KIAA1549: variants seen among roughly 807,000 people sequenced by gnomAD.
KIAA1549 encodes UPF0606 protein KIAA1549.
Under a neutral mutation model 156.4 loss-of-function variants are expected in KIAA1549, and 70 were observed. The observed-to-expected ratio is 0.45, with a 90% confidence interval of 0.37 to 0.55. The LOEUF (loss-of-function observed/expected upper bound fraction) is 0.55, where lower values mean the gene tolerates loss of function less well. Among genes scored for constraint, KIAA1549 ranks in the 20% least tolerant of loss-of-function variants. KIAA1549 has a pLI of 0.00. For synonymous variants in KIAA1549, 1,103 were observed against 1,066.4 expected (o/e 1.03, Z -0.67); for missense variants, 2,428 against 2,540.9 (o/e 0.96, Z 0.96).
intron 1 of KIAA1549, among the ~76,000 whole-genome samples, chr7:138,969,669 T>C (rs1458556020): frequency 3.3e-5 from 5 of 152,200 alleles, no homozygotes; most frequent in African/African-American, 1.2e-4. Context: ...CTCAGCTTAC[T>C]GCAACCTCTG....
At chr7:138,971,090 C>T (rs933999274) in intron 1 of KIAA1549, among the ~76,000 whole-genome samples, 9 of 152,180 alleles carry the variant, frequency 5.9e-5, no homozygotes, top group African/African-American at 1.7e-4. Flanking sequence ...GCCTATCTTC[C>T]GCCAAGGCTC....
chr7:138,922,725 G>A (rs1258229686), intron 1 of KIAA1549, among the ~76,000 whole-genome samples: 1 of 151,712 alleles, frequency 6.6e-6, no homozygotes, highest in Non-Finnish European at 1.5e-5. Context: ...AAATTACTCA[G>A]AAAAGGGAAC....
In KIAA1549 at chr7:138,934,519, T is replaced by C. The variant is rs146577725; in HGVS notation, c.188-15081A>G. On this transcript the variant is annotated intron_variant, in intron 1 of 19. Coordinates refer to ENST00000422774, the MANE Select transcript of KIAA1549 (RefSeq NM_001164665.2). ...AATTCGTGATGTTTGAATTGCCATA[T>C]GTCACATCTTTGATTCCTGACTCAA... is the stretch of plus-strand genomic sequence containing the variant. Among the ~76,000 whole-genome samples the C allele has an allele frequency of 5.0e-3, 754 of 152,028 alleles. 2 individuals carry two copies. Among genetic ancestry groups the C allele is most frequent in the Middle Eastern group, 0.01 (3 of 290 alleles).
chr7:138,871,513 A>G (rs567099890), intron 12 of KIAA1549, among the ~76,000 whole-genome samples, 151 bp from the exon 13 acceptor site: 2 of 152,258 alleles, frequency 1.3e-5, no homozygotes, highest in East Asian at 3.9e-4. Flanking sequence ...TTACAATTTC[A>G]CTCTCTGAGC....
At chr7:138,966,465 C>T (rs1194650392) in intron 1 of KIAA1549, among the ~76,000 whole-genome samples, 1 of 152,034 alleles carries the variant, frequency 6.6e-6, no homozygotes, top group Non-Finnish European at 1.5e-5. Flanking sequence ...CCACAACAAG[C>T]CAACTACAAG....
chr7:138,844,101 A>G (rs2130333248), intron 18 of KIAA1549, among the ~76,000 whole-genome samples: 1 of 152,276 alleles, frequency 6.6e-6, no homozygotes, highest in Admixed American at 6.5e-5. Flanking sequence ...TGAATTTCAC[A>G]TGAAGGGCCT....
chr7:138,977,789 T>C (rs1814424534), intron 1 of KIAA1549, among the ~76,000 whole-genome samples: 1 of 152,052 alleles, frequency 6.6e-6, no homozygotes, highest in African/African-American at 2.4e-5. Flanking sequence ...AACCTCTGCC[T>C]CCCTGGTTCG....
chr7:138,958,612 G>A lies in KIAA1549; in HGVS notation c.187+22471C>T, dbSNP rs116109870. Among the ~76,000 whole-genome samples, 1,421 of 152,212 alleles carry A rather than the reference G, an allele frequency of 9.3e-3. 23 individuals carry two copies. The highest frequency in any genetic ancestry group is 0.031 in the African/African-American group (1,305 of 41,524). On this transcript the variant is annotated intron_variant, in intron 1 of 19. Coordinates refer to ENST00000422774, the MANE Select transcript of KIAA1549 (RefSeq NM_001164665.2). ...ATCCCATGATGACAGCCTTGCCTGG[G>A]ACTGTCATTTAAATCTCTTTCTCTC... is the stretch of plus-strand genomic sequence containing the variant.
chr7:138,971,997 G>A (rs918620113), intron 1 of KIAA1549, among the ~76,000 whole-genome samples: 1 of 152,170 alleles, frequency 6.6e-6, no homozygotes, highest in Non-Finnish European at 1.5e-5. Context: ...ATGAACTGGA[G>A]GAAGTGAGAG....
At chr7:138,880,978 G>A (rs1188352941) in intron 11 of KIAA1549, among the ~76,000 whole-genome samples, 1 of 152,182 alleles carries the variant, frequency 6.6e-6, no homozygotes, top group Non-Finnish European at 1.5e-5. Context: ...GGCATCCCAG[G>A]CATGGACACA....
intron 13 of KIAA1549, 22 bp downstream of exon 13, chr7:138,871,135 A>C (rs1449265470): frequency 2.5e-6 from 4 of 1,604,880 alleles, no homozygotes; most frequent in Non-Finnish European, 3.4e-6. Flanking sequence ...TAAGTAACAG[A>C]CTTTTAAATA....
chr7:138,952,211 T>C (rs958759446), intron 1 of KIAA1549, among the ~76,000 whole-genome samples: 3 of 152,204 alleles, frequency 2.0e-5, no homozygotes, highest in African/African-American at 7.2e-5. Context: ...CAGGTGATTA[T>C]AATCTGCACA....
At chr7:138,973,003 G>A (rs995442366) in intron 1 of KIAA1549, among the ~76,000 whole-genome samples, 4 of 152,064 alleles carry the variant, frequency 2.6e-5, no homozygotes, top group African/African-American at 7.2e-5. Context: ...TGTATTTTTA[G>A]TAATGGCGGG....
At chr7:138,858,208 C>T (rs1341670760) in intron 16 of KIAA1549, among the ~76,000 whole-genome samples, 1 of 151,990 alleles carries the variant, frequency 6.6e-6, no homozygotes, top group Admixed American at 6.6e-5. Context: ...GTAGCCTCAG[C>T]CTCCCAGGGT....
intron 1 of KIAA1549, among the ~76,000 whole-genome samples, chr7:138,926,248 C>T (rs907498388): frequency 9.9e-5 from 15 of 152,104 alleles, no homozygotes; most frequent in African/African-American, 3.6e-4. Flanking sequence ...TAAACCACTC[C>T]CCAACTTCGC....
At chr7:138,883,400 C>T (rs1021247979) in intron 10 of KIAA1549, among the ~76,000 whole-genome samples, 2 of 151,272 alleles carry the variant, frequency 1.3e-5, no homozygotes, top group African/African-American at 4.9e-5. Flanking sequence ...ACAACCTCTG[C>T]CTCCCGGGTT....
At chr7:138,841,071 A>G in intron 18 of KIAA1549, among the ~76,000 whole-genome samples, 1 of 152,162 alleles carries the variant, frequency 6.6e-6, no homozygotes, top group East Asian at 1.9e-4. Flanking sequence ...AGGACTGGGG[A>G]TAAACGGTAC....
intron 10 of KIAA1549, among the ~76,000 whole-genome samples, chr7:138,885,763 T>C (rs899498890): frequency 6.6e-6 from 1 of 152,170 alleles, no homozygotes; most frequent in Admixed American, 6.5e-5. Context: ...TAAACAAAAG[T>C]AAGTGTTTCC....
In KIAA1549 at chr7:138,843,681, C is replaced by T. The variant is rs373502380; in HGVS notation, c.5452+636G>A. On this transcript the variant is annotated intron_variant, in intron 18 of 19. Transcript: ENST00000422774. ...TAATACATCTGAATTTTGCTTAGTA[C>T]GCATGCCATGTAGGGAGGTTCAAAT... is the stretch of plus-strand genomic sequence containing the variant. Among the ~76,000 whole-genome samples, 46 of 152,168 alleles carry T rather than the reference C, an allele frequency of 3.0e-4. No homozygotes were observed. The East Asian group carries it at 3.7e-3, about 12-fold the overall frequency.
Sources: gnomAD v4.1 joint callset for allele counts (sites outside exome capture counted in the v4.1 genomes callset) on GRCh38, gnomAD v4.1.1 for gene constraint, MANE v1.5 for transcripts, NCBI Gene and HGNC (gene_info 2026-07-23, HGNC 2026-07-21) for gene names.